Variants in TXNRD2 observed in about 807,000 individuals in gnomAD.
TXNRD2 encodes the protein thioredoxin reductase 2, also known as thioredoxin reductase 2, mitochondrial.
In TXNRD2, 67 loss-of-function variants were observed where a neutral mutation model predicts 70.8. The observed-to-expected ratio is 0.95, with a 90% CI of 0.78 to 1.16. TXNRD2 has a LOEUF of 1.16. Among genes scored for constraint, TXNRD2 ranks in the 50% most tolerant of loss-of-function variants. The pLI, the probability that TXNRD2 is intolerant of heterozygous loss-of-function variation, is 0.00. For synonymous variants in TXNRD2, 301 were observed against 295.8 expected, an observed-to-expected ratio of 1.02 and a Z score of -0.18; for missense variants, 644 against 719.9, an observed-to-expected ratio of 0.89 and a Z score of 1.21.
At chr22:19,919,708 G>T (rs529124621) in intron 2 of TXNRD2, 109 bp from the exon 3 acceptor site, 2 of 905,234 alleles carry the variant, frequency 2.2e-6, no homozygotes, top group Non-Finnish European at 3.3e-6. Flanking sequence ...CAGGGCCTGG[G>T]CCTGCGGCTG....
chr22:19,877,689 C>T (rs1938571856), intron 16 of TXNRD2, among the ~76,000 whole-genome samples: 1 of 152,216 alleles, frequency 6.6e-6, no homozygotes, highest in African/African-American at 2.4e-5. Flanking sequence ...CTTCCTTTGA[C>T]CCCGGGACCC....
chr22:19,880,373 T>G, intron 13 of TXNRD2, 102 bp from the exon 14 acceptor site: 4 of 1,262,998 alleles, frequency 3.2e-6, no homozygotes, highest in Non-Finnish European at 4.5e-6. Context: ...CAGGACCAGA[T>G]GCGCCCAGAG....
intron 8 of TXNRD2, among the ~76,000 whole-genome samples, chr22:19,901,743 T>G (rs537073069): frequency 1.2e-4 from 19 of 152,108 alleles, no homozygotes; most frequent in Non-Finnish European, 2.1e-4. Context: ...TTCAGGCCAT[T>G]CACGGCCCAG....
At chr22:19,897,936 G>A in intron 10 of TXNRD2, 103 bp downstream of exon 10, 3 of 851,432 alleles carry the variant, frequency 3.5e-6, no homozygotes, top group East Asian at 2.7e-5. Flanking sequence ...TAAAGATTCA[G>A]GCATCACTCG....
chr22:19,900,062 C>T (rs1406355516), intron 8 of TXNRD2, among the ~76,000 whole-genome samples: 2 of 152,242 alleles, frequency 1.3e-5, no homozygotes, highest in African/African-American at 4.8e-5. Context: ...CCCTTGGAAT[C>T]ATTCTGCAGG....
At chr22:19,932,389 T>A (rs756940342) in intron 1 of TXNRD2, 4 of 1,612,642 alleles carry the variant, frequency 2.5e-6, no homozygotes, top group Non-Finnish European at 8.5e-7. Flanking sequence ...CTGCACATAG[T>A]GCCACTCTCA....
intron 8 of TXNRD2, among the ~76,000 whole-genome samples, chr22:19,906,611 G>A (rs1940026402): frequency 2.0e-5 from 3 of 151,986 alleles, no homozygotes; most frequent in African/African-American, 7.3e-5. Flanking sequence ...GACAGAGCAA[G>A]ACCCTGTCTC....
intron 7 of TXNRD2, among the ~76,000 whole-genome samples, chr22:19,911,917 A>C (rs762355720): frequency 3.3e-5 from 5 of 152,192 alleles, no homozygotes; most frequent in Non-Finnish European, 7.4e-5. Flanking sequence ...CAGGTCAGCA[A>C]ATCAGGGCCA....
intron 1 of TXNRD2, chr22:19,941,499 G>A (rs767134878): frequency 1.0e-4 from 97 of 927,718 alleles, no homozygotes; most frequent in Admixed American, 1.7e-4. Flanking sequence ...CCCAGCCCCA[G>A]TTTCCCCACC....
intron 8 of TXNRD2, among the ~76,000 whole-genome samples, chr22:19,904,029 G>A (rs1462346559): frequency 6.6e-6 from 1 of 152,356 alleles, no homozygotes; most frequent in Non-Finnish European, 1.5e-5. Context: ...AAACGGGCTG[G>A]CACAAGGCGG....
intron 11 of TXNRD2, chr22:19,894,953 G>C (rs1939429556): frequency 7.2e-7 from 1 of 1,393,190 alleles, no homozygotes; most frequent in East Asian, 2.7e-5. Flanking sequence ...CTGGGCGACA[G>C]AGCGAGACTC....
intron 8 of TXNRD2, among the ~76,000 whole-genome samples, chr22:19,900,141 G>C (rs1939704911): frequency 6.6e-6 from 1 of 152,228 alleles, no homozygotes; most frequent in African/African-American, 2.4e-5. Context: ...ACCACTGTCA[G>C]GATTAGGGTG....
At chr22:19,919,917 C>G (rs954887756) in intron 2 of TXNRD2, among the ~76,000 whole-genome samples, 8 of 152,182 alleles carry the variant, frequency 5.3e-5, no homozygotes, top group African/African-American at 1.9e-4. Flanking sequence ...CCACCCCTCA[C>G]AGTGCTGGCA....
intron 13 of TXNRD2, 39 bp from the exon 14 acceptor site, chr22:19,880,310 C>CT: frequency 6.3e-7 from 1 of 1,599,362 alleles, no homozygotes; most frequent in Non-Finnish European, 8.5e-7. Flanking sequence ...CCCTTGGGCC[C>CT]CGAAAACCGA....
At chr22:19,915,004 G>C in intron 7 of TXNRD2, 1 of 580,866 alleles carries the variant, frequency 1.7e-6, no homozygotes, top group Non-Finnish European at 3.2e-6. Flanking sequence ...GAGCTGTCCT[G>C]AGGATCTGGC....
At chr22:19,936,087 G>A (rs1941529666) in intron 1 of TXNRD2, among the ~76,000 whole-genome samples, 1 of 151,852 alleles carries the variant, frequency 6.6e-6, no homozygotes, top group South Asian at 2.1e-4. Flanking sequence ...CGTTAGATGT[G>A]GAACTATGGG....
At chr22:19,906,326 A>G (rs1334524484) in intron 8 of TXNRD2, among the ~76,000 whole-genome samples, 2 of 152,160 alleles carry the variant, frequency 1.3e-5, no homozygotes, top group African/African-American at 4.8e-5. Context: ...AACTCAGCAG[A>G]TAGTCAAAGA....
Position 19,911,477 on chromosome 22 carries a change from A to T in TXNRD2, c.592-30T>A, listed in dbSNP as rs1323661862. ...CAAGACAGAAATGACCCCTTGGACA[A>T]GAGCTCCATTTGGCCTGTCCTAGGG... On this transcript the variant is annotated intron_variant, in intron 7 of 17. Transcript: ENST00000400521. 5 of 1,586,110 alleles carry T rather than the reference A, an allele frequency of 3.2e-6. No individual in the cohort carries two copies. The African/African-American group carries it at 6.7e-5, about 21-fold the overall frequency.
chr22:19,915,381 G>T, intron 6 of TXNRD2, 105 bp from the exon 7 acceptor site: 1 of 1,166,632 alleles, frequency 8.6e-7, no homozygotes, highest in Non-Finnish European at 1.3e-6. Flanking sequence ...CACGGCCCCT[G>T]CCCTGTAGCG....
Sources: gnomAD v4.1 joint callset for allele counts (sites outside exome capture counted in the v4.1 genomes callset) on GRCh38, gnomAD v4.1.1 for gene constraint, MANE v1.5 for transcripts, NCBI Gene and HGNC (gene_info 2026-07-23, HGNC 2026-07-21) for gene names.